Variants in CHD9 observed in about 807,000 individuals in gnomAD.
The protein encoded by CHD9 is ATP-dependent chromatin remodeler CHD9.
Under a neutral mutation model 316.1 loss-of-function variants are expected in CHD9, and 77 were observed. The ratio of observed to expected loss-of-function variants is 0.24; its 90% CI spans 0.20 to 0.29. The LOEUF (loss-of-function observed/expected upper bound fraction) is 0.29. Ranked by LOEUF, CHD9 falls within the 10% of genes least tolerant of loss-of-function variation. The pLI is 1.00. For missense variants in CHD9, 2,763 were observed against 3,438.1 expected, an observed-to-expected ratio of 0.80 and a Z score of 4.91; for synonymous variants, 1,129 against 1,158.3, an observed-to-expected ratio of 0.97 and a Z score of 0.51.
chr16:53,097,294 T>C (rs1194385475), intron 1 of CHD9, among the ~76,000 whole-genome samples: 1 of 152,222 alleles, frequency 6.6e-6, no homozygotes, highest in Non-Finnish European at 1.5e-5. Flanking sequence ...GATATCTAAC[T>C]CACAGATTAT....
intron 2 of CHD9, among the ~76,000 whole-genome samples, chr16:53,183,411 G>A (rs1053309108): frequency 3.3e-5 from 5 of 152,124 alleles, no homozygotes; most frequent in African/African-American, 4.8e-5. Flanking sequence ...ATCTAGGAGA[G>A]AAAGGGGAAG....
intron 22 of CHD9, 44 bp downstream of exon 22, chr16:53,268,170 A>G (rs201329889): frequency 3.8e-4 from 487 of 1,275,388 alleles, no homozygotes; most frequent in East Asian, 3.5e-3. Flanking sequence ...ATTTTTAGTT[A>G]TATAAGTAAT....
chr16:53,181,222 G>A (rs993960443), intron 2 of CHD9, among the ~76,000 whole-genome samples: 1 of 152,112 alleles, frequency 6.6e-6, no homozygotes. Flanking sequence ...TGTTGGTCAG[G>A]CTGGTCTTGA....
At chr16:53,231,383 T>C in intron 8 of CHD9, 36 bp from the exon 9 acceptor site, 2 of 1,200,470 alleles carry the variant, frequency 1.7e-6, no homozygotes, top group Non-Finnish European at 2.4e-6. Flanking sequence ...TTCCAGTTCT[T>C]TGTCAGATGT....
rs191745970 is a variant in CHD9, at chr16:53,122,235, C to T, written c.-164-33691C>T. The T allele has an allele frequency of 5.3e-5, 8 of 151,880 alleles. No homozygotes were observed. In the East Asian group the frequency reaches 9.7e-4, roughly 18 times the overall value. The allele number at this position is 151,880 out of a possible 1,614,324, so 9.4% of individuals were successfully genotyped here. On this transcript the variant is annotated intron_variant, in intron 1 of 38. Coordinates refer to ENST00000447540, the MANE Select transcript of CHD9 (RefSeq NM_001308319.2). ...TATTCATAATGTATTATTATTTATACGGGAATAATAATCTCTTCTGTAGCC... is the reference window on the plus strand; with the variant it reads ...TATTCATAATGTATTATTATTTATATGGGAATAATAATCTCTTCTGTAGCC...
chr16:53,162,243 G>A (rs1342276239), intron 2 of CHD9, among the ~76,000 whole-genome samples: 1 of 152,160 alleles, frequency 6.6e-6, no homozygotes, highest in East Asian at 1.9e-4. Context: ...GGGAGATGAA[G>A]AATAGTAGGG....
intron 1 of CHD9, among the ~76,000 whole-genome samples, chr16:53,127,873 G>A (rs555724424): frequency 6.7e-6 from 1 of 149,720 alleles, no homozygotes; most frequent in Admixed American, 6.7e-5. Context: ...GTCCCGGGAG[G>A]TGGAGATTGC....
At chr16:53,199,692 T>A (rs1451242363) in intron 2 of CHD9, among the ~76,000 whole-genome samples, 1 of 152,188 alleles carries the variant, frequency 6.6e-6, no homozygotes, top group African/African-American at 2.4e-5. Flanking sequence ...TACATGTAAG[T>A]GAGAACATGT....
At chr16:53,093,997 C>T (rs781628369) in intron 1 of CHD9, among the ~76,000 whole-genome samples, 10 of 152,132 alleles carry the variant, frequency 6.6e-5, no homozygotes, top group Non-Finnish European at 1.3e-4. Context: ...TGCCTCTGCC[C>T]GGTGTCAGCC....
intron 2 of CHD9, among the ~76,000 whole-genome samples, chr16:53,192,267 C>T (rs1409909180): frequency 6.6e-6 from 1 of 152,064 alleles, no homozygotes; most frequent in Non-Finnish European, 1.5e-5. Context: ...AACACCGACT[C>T]CTGAAAACAG....
rs751069652 is a variant in CHD9, at chr16:53,209,669, G to A, written c.1640G>A (p.Arg547Gln). ...GAGCGTGGGGAACGCAATATTCCAC[G>A]AGTAATGAGCCCTGAAAACTTTCCT... ...AKERGERNIPRVMSPENFPTA... is the reference protein window; with the variant it reads ...AKERGERNIPQVMSPENFPTA... The change falls in exon 3 of 39, where the codon CGA (arginine) becomes CAA (glutamine). Residue 547 changes from arginine to glutamine, a missense_variant. This residue lies in a region of CHD9 where 859 missense variants were observed against 890.4 expected (regional missense o/e 0.96). Transcript: ENST00000447540. 17 of 1,613,836 alleles carry A rather than the reference G, an allele frequency of 1.1e-5. No homozygotes were observed. The highest frequency in any genetic ancestry group is 6.7e-5 in the Admixed American group (4 of 60,012).
intron 1 of CHD9, among the ~76,000 whole-genome samples, chr16:53,118,727 G>A (rs907047236): frequency 2.7e-5 from 4 of 150,546 alleles, no homozygotes; most frequent in Non-Finnish European, 4.4e-5. Context: ...TTTTACGTTA[G>A]ATATCATAAT....
At chr16:53,107,275 T>C (rs921026246) in intron 1 of CHD9, among the ~76,000 whole-genome samples, 1 of 151,630 alleles carries the variant, frequency 6.6e-6, no homozygotes, top group Non-Finnish European at 1.5e-5. Flanking sequence ...GCCTGACCAA[T>C]ATGGCGAAAC....
intron 30 of CHD9, 95 bp downstream of exon 30, chr16:53,297,253 C>T: frequency 2.4e-6 from 2 of 829,896 alleles, no homozygotes. Context: ...TGTGAAATTT[C>T]AATACTATCT....
chr16:53,157,576 G>T, intron 2 of CHD9, 35 bp downstream of exon 2: 1 of 1,564,416 alleles, frequency 6.4e-7, no homozygotes, highest in Non-Finnish European at 8.7e-7. Context: ...TGGAGATTTG[G>T]GGGTAGGGCG....
intron 2 of CHD9, among the ~76,000 whole-genome samples, chr16:53,164,446 G>A (rs1395652530): frequency 6.6e-6 from 1 of 152,008 alleles, no homozygotes; most frequent in Non-Finnish European, 1.5e-5. Context: ...GGGAGTGATG[G>A]TGTGCACCTG....
At chr16:53,138,707 A>G (rs909577187) in intron 1 of CHD9, among the ~76,000 whole-genome samples, 2 of 152,206 alleles carry the variant, frequency 1.3e-5, no homozygotes, top group Non-Finnish European at 2.9e-5. Flanking sequence ...TTTAGTGGTC[A>G]AAGATGGATT....
At chr16:53,251,832 T>C (rs61650143) in intron 17 of CHD9, among the ~76,000 whole-genome samples, 4 of 152,232 alleles carry the variant, frequency 2.6e-5, no homozygotes, top group African/African-American at 9.6e-5. Flanking sequence ...AATTTAGATA[T>C]CCAGAGTTAT....
At chr16:53,097,404 C>A (rs373347450) in intron 1 of CHD9, among the ~76,000 whole-genome samples, 1 of 112,006 alleles carries the variant, frequency 8.9e-6, no homozygotes, top group Admixed American at 9.7e-5. Flanking sequence ...TCCTTCCTTC[C>A]TTCTTTCTCT....
Sources: allele counts gnomAD v4.1 joint callset (sites outside exome capture counted in the v4.1 genomes callset), GRCh38; gene constraint gnomAD v4.1.1; regional missense constraint gnomAD v4.1.1; transcripts MANE v1.5; gene names NCBI Gene and HGNC (gene_info 2026-07-23, HGNC 2026-07-21).